The following NFATC2 variants were observed in gnomAD, a reference collection of about 807,000 sequenced individuals.
NFATC2 encodes the protein nuclear factor of activated T cells 2.
NFATC2 carries 22 observed loss-of-function variants against 87.3 expected under a neutral mutation model. The observed-to-expected ratio is 0.25, with a 90% CI of 0.18 to 0.36. The LOEUF (loss-of-function observed/expected upper bound fraction) is 0.36. NFATC2 is among the 10% of genes least tolerant of loss of function. NFATC2 has a pLI of 1.00. For missense variants in NFATC2, 1,149 were observed against 1,259.1 expected, an observed-to-expected ratio of 0.91 and a Z score of 1.32; for synonymous variants, 565 against 542.2, an observed-to-expected ratio of 1.04 and a Z score of -0.58.
intron 5 of NFATC2, among the ~76,000 whole-genome samples, chr20:51,473,048 G>A (rs1385818726): frequency 1.3e-5 from 2 of 152,172 alleles, no homozygotes; most frequent in African/African-American, 2.4e-5. Context: ...TTAAACTTAG[G>A]TATAAAGTAC....
At chr20:51,508,014 A>G (rs1476378097) in intron 3 of NFATC2, among the ~76,000 whole-genome samples, 2 of 152,190 alleles carry the variant, frequency 1.3e-5, no homozygotes, top group African/African-American at 4.8e-5. Context: ...ACACAAATAA[A>G]GTTTCTTCTA....
chr20:51,416,604 C>G (rs928713686), intron 9 of NFATC2, among the ~76,000 whole-genome samples: 1 of 152,188 alleles, frequency 6.6e-6, no homozygotes, highest in Non-Finnish European at 1.5e-5. Flanking sequence ...GAGATGAAGA[C>G]ATTTCTGCAG....
chr20:51,517,076 G>A, intron 2 of NFATC2, 121 bp from the exon 3 acceptor site: 1 of 1,036,878 alleles, frequency 9.6e-7, no homozygotes, highest in Non-Finnish European at 1.4e-6. Flanking sequence ...TCAACAATGA[G>A]GATACGTTCC....
intron 10 of NFATC2, among the ~76,000 whole-genome samples, chr20:51,398,018 G>A (rs994482379): frequency 6.6e-6 from 1 of 152,152 alleles, no homozygotes; most frequent in Non-Finnish European, 1.5e-5. Context: ...GAGGCCCATC[G>A]AGGTGGATCT....
At chr20:51,400,199 G>A (rs1428953334) in intron 9 of NFATC2, among the ~76,000 whole-genome samples, 2 of 152,012 alleles carry the variant, frequency 1.3e-5, no homozygotes, top group Admixed American at 1.3e-4. Flanking sequence ...ACTGATGTTA[G>A]AGCACGCCAC....
At chr20:51,527,618 CTGAA>C (rs1445143499) in intron 1 of NFATC2, among the ~76,000 whole-genome samples, 1 of 152,188 alleles carries the variant, frequency 6.6e-6, no homozygotes, top group Non-Finnish European at 1.5e-5. Flanking sequence ...GATGTGTTGG[CTGAA>C]TGAATGAGGC....
intron 6 of NFATC2, among the ~76,000 whole-genome samples, chr20:51,445,655 C>G (rs755955960): frequency 2.0e-5 from 3 of 152,226 alleles, no homozygotes; most frequent in Non-Finnish European, 4.4e-5. Context: ...TGTGACCTGG[C>G]TTCCCTGGCT....
chr20:51,543,975 A>ATTTTTTTTTTTTTTTTTTTTTTTTT (rs11473264), upstream of NFATC2, among the ~76,000 whole-genome samples: 2 of 72,958 alleles, frequency 2.7e-5, no homozygotes, highest in Non-Finnish European at 4.8e-5. Flanking sequence ...AGAATTCCTA[A>ATTTTTTTTTTTTTTTTTTTTTTTTT]TTTTTTTTTT....
intron 3 of NFATC2, among the ~76,000 whole-genome samples, chr20:51,488,507 A>C (rs764879147): frequency 1.3e-5 from 2 of 152,166 alleles, no homozygotes; most frequent in East Asian, 1.9e-4. Context: ...TGCACAAAAA[A>C]GTCTCTGGAC....
chr20:51,403,372 C>T (rs1411101517), intron 9 of NFATC2, among the ~76,000 whole-genome samples: 1 of 152,188 alleles, frequency 6.6e-6, no homozygotes, highest in East Asian at 1.9e-4. Context: ...CCTGGAGTGA[C>T]CAGCAAGGAC....
upstream of NFATC2, chr20:51,562,683 G>A (rs1459017747): frequency 2.0e-6 from 3 of 1,500,126 alleles, no homozygotes; most frequent in Admixed American, 2.0e-5. The surrounding 1 kb of genome is among the most constrained non-coding windows in gnomAD (Gnocchi z 5.8). Context: ...TGTTTGTATC[G>A]ACCAGCAGCC....
chr20:51,507,011 C>A (rs2076194515), intron 3 of NFATC2, among the ~76,000 whole-genome samples: 1 of 152,220 alleles, frequency 6.6e-6, no homozygotes, highest in Non-Finnish European at 1.5e-5. Context: ...TAAAGCCTGT[C>A]CCATCTCACT....
intron 2 of NFATC2, among the ~76,000 whole-genome samples, chr20:51,521,448 G>A (rs2076443637): frequency 6.6e-6 from 1 of 152,152 alleles, no homozygotes; most frequent in South Asian, 2.1e-4. Flanking sequence ...AGCCTCCCGA[G>A]TAGCTGGGAT....
intron 9 of NFATC2, among the ~76,000 whole-genome samples, chr20:51,399,598 C>T (rs1394361747): frequency 1.3e-5 from 2 of 152,200 alleles, no homozygotes; most frequent in Admixed American, 6.5e-5. Context: ...CAGTTAGAGG[C>T]CTGGATTTCC....
intron 6 of NFATC2, among the ~76,000 whole-genome samples, chr20:51,438,502 T>C (rs1344397322): frequency 7.0e-6 from 1 of 142,688 alleles, no homozygotes; most frequent in African/African-American, 2.6e-5. Flanking sequence ...AGGGAGAAAA[T>C]AGTAGCTGGA....
Position 51,391,361 on chromosome 20 carries a change from C to T in NFATC2, c.*135G>A. The T allele has an allele frequency of 6.3e-7, 1 of 1,585,892 alleles. No individual in the cohort carries two copies. The highest frequency in any genetic ancestry group is 8.6e-7 in the Non-Finnish European group (1 of 1,161,792). ...GGGGCTGTGGAGGGCTCCGAGGGGT[C>T]AGATACAGAAGGTGTCTTGCTATAA... On this transcript the variant is annotated 3_prime_UTR_variant, in exon 11 of 11. Coordinates refer to ENST00000371564, the MANE Select transcript of NFATC2 (RefSeq NM_012340.5).
chr20:51,518,869 T>G (rs7263189), intron 2 of NFATC2, among the ~76,000 whole-genome samples: 2 of 152,108 alleles, frequency 1.3e-5, no homozygotes, highest in African/African-American at 4.8e-5. Context: ...GGTGCAATCA[T>G]AGCTCACTGT....
chr20:51,469,440 G>A (rs1413304190), intron 5 of NFATC2, among the ~76,000 whole-genome samples: 6 of 152,142 alleles, frequency 3.9e-5, no homozygotes, highest in Admixed American at 1.3e-4. Flanking sequence ...CAATGCATTT[G>A]GGAACTGAGG....
intron 3 of NFATC2, among the ~76,000 whole-genome samples, chr20:51,510,939 A>C (rs2146670158): frequency 6.6e-6 from 1 of 152,350 alleles, no homozygotes; most frequent in South Asian, 2.1e-4. Context: ...ATTCTTATTT[A>C]TTCCAGATGA....
Sources: gnomAD v4.1 joint callset for allele counts (sites outside exome capture counted in the v4.1 genomes callset) on GRCh38, gnomAD v4.1.1 for gene constraint, Gnocchi (gnomAD v3.1) non-coding constraint, MANE v1.5 for transcripts, NCBI Gene and HGNC (gene_info 2026-07-23, HGNC 2026-07-21) for gene names.